Variants in SCN9A observed in about 807,000 individuals in gnomAD.
The protein encoded by SCN9A is sodium voltage-gated channel alpha subunit 9.
In SCN9A, 131 loss-of-function variants were observed where a neutral mutation model predicts 187.0. That is an observed-to-expected ratio of 0.70 (90% CI 0.61 to 0.81). The LOEUF is 0.81. Among genes scored for constraint, SCN9A ranks in the 30% least tolerant of loss-of-function variants. SCN9A has a pLI of 0.00. For synonymous variants in SCN9A, 809 were observed against 808.6 expected (o/e 1.00, Z -0.01); for missense variants, 2,252 against 2,396.6 (o/e 0.94, Z 1.26).
At chr2:166,215,840 T>C (rs1458953661) in intron 24 of SCN9A, among the ~76,000 whole-genome samples, 4 of 150,952 alleles carry the variant, frequency 2.6e-5, no homozygotes, top group Non-Finnish European at 5.9e-5. Flanking sequence ...ATATGAATTC[T>C]TCTCAAATTC....
intron 1 of SCN9A, among the ~76,000 whole-genome samples, chr2:166,326,339 C>G (rs1699363183): frequency 6.6e-6 from 1 of 152,170 alleles, no homozygotes; most frequent in Non-Finnish European, 1.5e-5. Context: ...TAAACCAAGT[C>G]TATATCCATT....
rs767575494 is a variant in SCN9A at position 166,228,690 on chromosome 2, C to G, written c.4206+1G>C. On this transcript the variant is annotated splice_donor_variant, in intron 22 of 26. Coordinates refer to ENST00000642356, the MANE Select transcript of SCN9A (RefSeq NM_001365536.1). LOFTEE classifies it high-confidence loss of function. ...AAGCACTCATGAAATGGGACACTTA[C>G]AACTTGAAGCAGAGATAGGTAACCA... 1.2e-6 allele frequency: 2 copies of G among 1,607,134 alleles called. No individual in the cohort carries two copies. Among genetic ancestry groups the G allele is most frequent in the African/African-American group, 1.3e-5 (1 of 74,882 alleles).
In SCN9A at chr2:166,288,574, G is replaced by A. The variant is rs184773311; in HGVS notation, c.1177C>T (p.Leu393=). ...ACCACAGCCAGGATCAAGTTTATTA[G>A]ATAAAAGGAGCCCAGGAAAATCACT... The part of the protein sequence containing the change: ...VVVIFLGSFY[L]INLILAVVAM... The change falls in exon 10 of 27, where the codon CTA becomes TTA. Residue 393 remains leucine (L), a synonymous_variant. Transcript: ENST00000642356. 2.6e-4 allele frequency: 426 copies of A among 1,612,220 alleles called. 2 individuals are homozygous for A. The highest frequency in any genetic ancestry group is 2.3e-3 in the Middle Eastern group (14 of 6,056).
intron 7 of SCN9A, among the ~76,000 whole-genome samples, chr2:166,299,155 A>G (rs1230266457): frequency 1.3e-5 from 2 of 152,162 alleles, no homozygotes; most frequent in Non-Finnish European, 2.9e-5. Context: ...ATTGATTCAT[A>G]TATAACTACT....
intron 17 of SCN9A, among the ~76,000 whole-genome samples, chr2:166,268,899 G>A (rs979713051): frequency 1.3e-5 from 2 of 151,876 alleles, no homozygotes; most frequent in Admixed American, 6.6e-5. Flanking sequence ...GAGTTCTTAA[G>A]TAATAATAAT....
Position 166,368,903 on chromosome 2 carries a change from C to T in SCN9A, c.-51+6794G>A, listed in dbSNP as rs1435241877. The stretch of plus-strand genomic sequence containing the variant: ...TCGGGAGGCTGAGGCAGGAGAATTG[C>T]TTGAACCTGGGAGGCGGAAGTTGCA... On this transcript the variant is annotated intron_variant, in intron 1 of 26. Coordinates refer to ENST00000642356, the MANE Select transcript of SCN9A (RefSeq NM_001365536.1). Among the ~76,000 whole-genome samples, 11 of 151,490 alleles carry T rather than the reference C, an allele frequency of 7.3e-5. 1 individual carries two copies. The South Asian group carries it at 2.3e-3, about 32-fold the overall frequency.
At chr2:166,296,244 C>A (rs754967443) in intron 7 of SCN9A, 1 of 152,206 alleles carries the variant, frequency 6.6e-6, no homozygotes, top group South Asian at 2.1e-4. Context: ...TGCATGTAAA[C>A]CACTTGATAC....
At chr2:166,335,084 G>A (rs149194222) in intron 1 of SCN9A, among the ~76,000 whole-genome samples, 1 of 152,056 alleles carries the variant, frequency 6.6e-6, no homozygotes, top group Non-Finnish European at 1.5e-5. Context: ...TTTGTTTAAT[G>A]CACATCCATT....
At chr2:166,223,606 A>T (rs1694719001) in intron 24 of SCN9A, among the ~76,000 whole-genome samples, 1 of 152,228 alleles carries the variant, frequency 6.6e-6, no homozygotes, top group African/African-American at 2.4e-5. Flanking sequence ...ATTCAATGGG[A>T]ATAAAGTTTC....
intron 26 of SCN9A, among the ~76,000 whole-genome samples, chr2:166,203,249 A>C (rs1474538345): frequency 6.6e-6 from 1 of 151,850 alleles, no homozygotes; most frequent in Non-Finnish European, 1.5e-5. Context: ...ACTTGTAGTA[A>C]TCTCTATAAT....
rs569377815 is a variant in SCN9A at position 166,210,314 on chromosome 2, G to A, written c.4399-5850C>T. Among the ~76,000 whole-genome samples, 370 of 152,088 alleles carry A rather than the reference G, an allele frequency of 2.4e-3. 3 individuals carry two copies. Among genetic ancestry groups the A allele is most frequent in the African/African-American group, 8.5e-3 (353 of 41,494 alleles). On this transcript the variant is annotated intron_variant, in intron 24 of 26. Coordinates refer to ENST00000642356, the MANE Select transcript of SCN9A (RefSeq NM_001365536.1). ...CACACCAGGGCCTGTTGTGGGGTGG[G>A]GGGAGGAGGGGGATATACCTAACAT...
intron 16 of SCN9A, among the ~76,000 whole-genome samples, chr2:166,274,434 G>A (rs1443226665): frequency 6.6e-6 from 1 of 151,986 alleles, no homozygotes; most frequent in Non-Finnish European, 1.5e-5. Context: ...TTTTCCAAAT[G>A]TTTTCCTAAA....
intron 18 of SCN9A, among the ~76,000 whole-genome samples, chr2:166,248,627 C>T (rs1404206200): frequency 1.3e-5 from 2 of 151,508 alleles, no homozygotes; most frequent in African/African-American, 4.9e-5. Flanking sequence ...GCCTCTACTA[C>T]ATCTCTGATC....
chr2:166,294,866 G>A (rs1405102340), intron 7 of SCN9A: 4 of 408,314 alleles, frequency 9.8e-6, no homozygotes, highest in African/African-American at 8.2e-5. Flanking sequence ...CAATAAACAT[G>A]ACAATAAACA....
chr2:166,227,755 T>A (rs373488484), intron 22 of SCN9A, 32 bp from the exon 23 acceptor site: 82 of 1,110,622 alleles, frequency 7.4e-5, no homozygotes, highest in Non-Finnish European at 1.1e-4. Context: ...AATTTGAATG[T>A]TAAGCTCATA....
chr2:166,295,364 A>G (rs1574886976), intron 7 of SCN9A, among the ~76,000 whole-genome samples: 2 of 152,346 alleles, frequency 1.3e-5, no homozygotes, highest in Non-Finnish European at 2.9e-5. Context: ...ATACATTCTG[A>G]GAAATGCATC....
At chr2:166,200,102 A>G (rs1382462142) in intron 26 of SCN9A, among the ~76,000 whole-genome samples, 1 of 137,780 alleles carries the variant, frequency 7.3e-6, no homozygotes, top group African/African-American at 2.7e-5. Context: ...GGTTCACGCC[A>G]TTCTCCTGCC....
At chr2:166,302,006 T>C (rs187987447) in intron 7 of SCN9A, 2 of 151,150 alleles carry the variant, frequency 1.3e-5, no homozygotes, top group Admixed American at 1.3e-4. Context: ...TTTGATTTTA[T>C]TTATCACAGT....
Position 166,286,690 on chromosome 2 carries a change from A to G in SCN9A, c.1315-67T>C, listed in dbSNP as rs76244428. The G allele has an allele frequency of 8.6e-3, 10,872 of 1,271,074 alleles. 368 individuals carry two copies. In the Admixed American group the frequency reaches 0.12, roughly 14 times the overall value. 78.7% of individuals were successfully genotyped at this position (1,271,074 alleles called of 1,614,324 possible). A position where few individuals can be genotyped will look rare whatever the true frequency, so the allele number is the denominator to read the frequency against. On this transcript the variant is annotated intron_variant, in intron 10 of 26. Transcript: ENST00000642356. ...AAATCCTAGGAAACCCTAGGACAGGACATCTTTCACCTATTAGCATAACAA... is the reference window on the plus strand; with the variant it reads ...AAATCCTAGGAAACCCTAGGACAGGGCATCTTTCACCTATTAGCATAACAA...
Sources: gnomAD v4.1 joint callset for allele counts (sites outside exome capture counted in the v4.1 genomes callset) on GRCh38, gnomAD v4.1.1 for gene constraint, MANE v1.5 for transcripts, NCBI Gene and HGNC (gene_info 2026-07-23, HGNC 2026-07-21) for gene names.